GRM5: variants seen among roughly 807,000 people sequenced by gnomAD.
GRM5 encodes the protein metabotropic glutamate receptor 5.
In GRM5, 19 loss-of-function variants were observed where a neutral mutation model predicts 83.1. That is an observed-to-expected ratio of 0.23 (90% CI 0.16 to 0.34). The LOEUF (loss-of-function observed/expected upper bound fraction) is 0.34, where lower values mean the gene tolerates loss of function less well. Among genes scored for constraint, GRM5 ranks in the 10% least tolerant of loss-of-function variants. The probability of loss-of-function intolerance (pLI) is 1.00; values close to 1 mark genes in which losing one functional copy is unlikely to be tolerated. For missense variants in GRM5, 1,160 were observed against 1,588.3 expected, an observed-to-expected ratio of 0.73 and a Z score of 4.58; for synonymous variants, 675 against 633.6, an observed-to-expected ratio of 1.07 and a Z score of -0.98.
intron 6 of GRM5, among the ~76,000 whole-genome samples, chr11:88,594,191 T>C (rs1937735837): frequency 6.6e-6 from 1 of 152,200 alleles, no homozygotes. Context: ...CAGGAAGCAC[T>C]GGAAATTATG....
At chr11:88,951,986 T>A (rs1450891253) in intron 2 of GRM5, among the ~76,000 whole-genome samples, 1 of 152,210 alleles carries the variant, frequency 6.6e-6, no homozygotes, top group Non-Finnish European at 1.5e-5. Context: ...ACAAAGAAGA[T>A]ACTTCAGGCA....
intron 3 of GRM5, among the ~76,000 whole-genome samples, chr11:88,668,312 C>T (rs912137285): frequency 6.7e-6 from 1 of 149,672 alleles, no homozygotes; most frequent in Admixed American, 6.9e-5. Context: ...CACACACACA[C>T]ACACACACAC....
chr11:89,014,649 T>C (rs1390522050), intron 2 of GRM5, among the ~76,000 whole-genome samples: 2 of 152,274 alleles, frequency 1.3e-5, no homozygotes, highest in East Asian at 1.9e-4. Context: ...AATAACTTAA[T>C]TGTATATTTT....
intron 3 of GRM5, among the ~76,000 whole-genome samples, chr11:88,834,968 A>G (rs1199201708): frequency 1.3e-5 from 2 of 151,584 alleles, no homozygotes; most frequent in African/African-American, 4.9e-5. Context: ...CTGCCTCTCT[A>G]TTACTGCCAT....
chr11:88,792,086 T>A (rs1943184691), intron 3 of GRM5, among the ~76,000 whole-genome samples: 1 of 152,138 alleles, frequency 6.6e-6, no homozygotes, highest in South Asian at 2.1e-4. Flanking sequence ...AGACTCACTC[T>A]TTAGGTTATT....
intron 9 of GRM5, among the ~76,000 whole-genome samples, chr11:88,511,291 C>G (rs774110198): frequency 1.3e-5 from 2 of 152,194 alleles, no homozygotes; most frequent in Non-Finnish European, 2.9e-5. Flanking sequence ...GGGCGTGTAC[C>G]TCATTTGGAA....
chr11:88,651,981 C>T (rs1939644382), intron 4 of GRM5, among the ~76,000 whole-genome samples: 1 of 151,942 alleles, frequency 6.6e-6, no homozygotes, highest in Non-Finnish European at 1.5e-5. Context: ...TAAATTGTTT[C>T]TGTTTTTATC....
In GRM5 at chr11:88,506,554, T is replaced by G. The variant is rs1316440368; in HGVS notation, c.*2038A>C. On this transcript the variant is annotated 3_prime_UTR_variant, in exon 10 of 10. Coordinates refer to ENST00000305447, the MANE Select transcript of GRM5 (RefSeq NM_001143831.3). ...AACTTAGCTAGATTTCACTTACATT[T>G]TAAAAGCCTCGGTGTAATATTTGGG... 6.6e-6 allele frequency: 1 copy of G among 152,198 alleles called. No individual in the cohort carries two copies. Among genetic ancestry groups the G allele is most frequent in the African/African-American group, 2.4e-5 (1 of 41,454 alleles). The allele number at this position is 152,198 out of a possible 1,614,324, so 9.4% of individuals were successfully genotyped here. A position where few individuals can be genotyped will look rare whatever the true frequency, so the allele number is the denominator to read the frequency against.
chr11:88,626,874 T>A (rs1938811371), intron 4 of GRM5, among the ~76,000 whole-genome samples: 1 of 152,174 alleles, frequency 6.6e-6, no homozygotes, highest in Non-Finnish European at 1.5e-5. Flanking sequence ...AGTGTGGACA[T>A]AGCAAGAAGG....
chr11:88,635,225 T>G (rs1367516506), intron 4 of GRM5, among the ~76,000 whole-genome samples: 4 of 152,168 alleles, frequency 2.6e-5, no homozygotes, highest in Non-Finnish European at 5.9e-5. Context: ...AGTTTTATTT[T>G]TAATATTTTT....
At chr11:89,028,403 T>C (rs1192053929) in intron 2 of GRM5, among the ~76,000 whole-genome samples, 3 of 152,082 alleles carry the variant, frequency 2.0e-5, no homozygotes, top group Admixed American at 1.3e-4. Flanking sequence ...TGCAATATAG[T>C]GAGACTATGT....
chr11:88,916,828 C>A (rs1352875329), intron 2 of GRM5, among the ~76,000 whole-genome samples: 1 of 152,082 alleles, frequency 6.6e-6, no homozygotes, highest in African/African-American at 2.4e-5. Context: ...TACAATAAAG[C>A]ACAAATCTAA....
intron 8 of GRM5, among the ~76,000 whole-genome samples, chr11:88,558,100 C>T (rs889776758): frequency 1.3e-5 from 2 of 152,100 alleles, no homozygotes; most frequent in East Asian, 1.9e-4. Context: ...TCTTTATTCT[C>T]CCAGAACTCA....
chr11:88,815,118 G>A lies in GRM5; in HGVS notation c.911+34788C>T, dbSNP rs184292171. On this transcript the variant is annotated intron_variant, in intron 3 of 9. Transcript: ENST00000305447. The stretch of plus-strand genomic sequence containing the variant: ...TAGAATATTCCACCAAACAATGGCA[G>A]CATATACATTATTTTCAAGGACACA... 1.3e-4 allele frequency among the ~76,000 whole-genome samples: 20 copies of A among 152,208 alleles called. No homozygotes were observed. In the East Asian group the frequency reaches 3.7e-3, roughly 28 times the overall value.
At chr11:88,636,294 T>C (rs1180815664) in intron 4 of GRM5, among the ~76,000 whole-genome samples, 2 of 152,150 alleles carry the variant, frequency 1.3e-5, no homozygotes, top group Non-Finnish European at 2.9e-5. Context: ...GGTGGATCAC[T>C]TGAGGTCAGG....
chr11:88,809,327 T>G (rs1015470853), intron 3 of GRM5, among the ~76,000 whole-genome samples: 8 of 152,048 alleles, frequency 5.3e-5, no homozygotes, highest in African/African-American at 1.4e-4. Context: ...AGCTCTTAAC[T>G]GTAGCCAGTT....
intron 3 of GRM5, among the ~76,000 whole-genome samples, chr11:88,787,337 A>AT (rs953464290): frequency 6.6e-6 from 1 of 151,968 alleles, no homozygotes; most frequent in African/African-American, 2.4e-5. Flanking sequence ...AAGAAATGAA[A>AT]TTTTTTTATA....
At chr11:88,942,946 A>G (rs1003318433) in intron 2 of GRM5, among the ~76,000 whole-genome samples, 3 of 152,092 alleles carry the variant, frequency 2.0e-5, no homozygotes, top group Non-Finnish European at 4.4e-5. Flanking sequence ...CACAACATCT[A>G]TCAAGCAAGC....
intron 4 of GRM5, among the ~76,000 whole-genome samples, chr11:88,610,703 C>A (rs940440853): frequency 4.6e-5 from 7 of 152,076 alleles, no homozygotes; most frequent in Non-Finnish European, 8.8e-5. Flanking sequence ...ATTTGGGTGC[C>A]CTTTATTTCT....
Sources: allele counts gnomAD v4.1 joint callset (sites outside exome capture counted in the v4.1 genomes callset), GRCh38; gene constraint gnomAD v4.1.1; transcripts MANE v1.5; gene names NCBI Gene and HGNC (gene_info 2026-07-23, HGNC 2026-07-21).